The following UNC79 variants were observed in gnomAD, a reference collection of about 807,000 sequenced individuals.
The protein encoded by UNC79 is unc-79 subunit of NALCN channel complex.
A neutral mutation model predicts 283.1 loss-of-function variants in UNC79; 37 were observed. The observed-to-expected ratio is 0.13, with a 90% confidence interval of 0.10 to 0.17. UNC79 has a LOEUF of 0.17. UNC79 is among the 10% of genes least tolerant of loss of function. UNC79 has a pLI of 1.00. For missense variants in UNC79, 2,272 were observed against 3,211.1 expected, an observed-to-expected ratio of 0.71 and a Z score of 7.07; for synonymous variants, 1,107 against 1,200.2, an observed-to-expected ratio of 0.92 and a Z score of 1.61.
intron 12 of UNC79, among the ~76,000 whole-genome samples, chr14:93,540,437 A>T (rs536453977): frequency 9.7e-4 from 147 of 152,314 alleles, no homozygotes; most frequent in Non-Finnish European, 1.8e-3. Flanking sequence ...CAGTTTGTTC[A>T]TCTTTGAAAT....
At chr14:93,704,489 G>A in intron 47 of UNC79, 136 bp from the exon 51 acceptor site, 2 of 981,686 alleles carry the variant, frequency 2.0e-6, no homozygotes, top group Admixed American at 2.0e-5. Context: ...CTGATAACGG[G>A]TAGCCCTGCA....
At chr14:93,601,233 T>A (rs1340513027) in intron 25 of UNC79, among the ~76,000 whole-genome samples, 1 of 152,086 alleles carries the variant, frequency 6.6e-6, no homozygotes, top group Non-Finnish European at 1.5e-5. Context: ...CAATGTGTAG[T>A]CTTTTATCCC....
chr14:93,530,937 A>AAAC (rs1243648113), intron 10 of UNC79, among the ~76,000 whole-genome samples: 1 of 152,094 alleles, frequency 6.6e-6, no homozygotes, highest in Non-Finnish European at 1.5e-5. Context: ...ACAAACCCCA[A>AAAC]AACAACAACA....
In UNC79 at chr14:93,377,835, C is replaced by G. The variant is rs143507001; in HGVS notation, c.-351+44312C>G. On this transcript the variant is annotated intron_variant, in intron 1 of 49. Transcript: ENST00000256339. ...CTCCCACTGCAGTATGAAAGACCAC[C>G]AGAACAATTCCCCTAATTCTTACCC... is the stretch of plus-strand genomic sequence containing the variant. 4.6e-5 allele frequency among the ~76,000 whole-genome samples: 7 copies of G among 152,278 alleles called. No individual in the cohort carries two copies. In the East Asian group the frequency reaches 1.4e-3, roughly 29 times the overall value.
chr14:93,622,958 C>T (rs148702751), intron 30 of UNC79, 117 bp downstream of exon 32: 13 of 1,337,422 alleles, frequency 9.7e-6, no homozygotes, highest in African/African-American at 8.8e-5. Flanking sequence ...CAGGGTGTGA[C>T]ATTATAATGG....
chr14:93,664,441 CT>C (rs2071945195), intron 40 of UNC79, among the ~76,000 whole-genome samples: 1 of 152,122 alleles, frequency 6.6e-6, no homozygotes, highest in Non-Finnish European at 1.5e-5. Flanking sequence ...GGGGCTGTTG[CT>C]TGTCTTGGTA....
At chr14:93,670,355 G>A (rs991537529) in intron 40 of UNC79, among the ~76,000 whole-genome samples, 15 of 152,184 alleles carry the variant, frequency 9.9e-5, no homozygotes, top group African/African-American at 3.6e-4. Flanking sequence ...GCAGGCTCTG[G>A]TTGTTTTACC....
intron 46 of UNC79, among the ~76,000 whole-genome samples, chr14:93,692,247 T>TA (rs970196461): frequency 1.3e-5 from 2 of 152,184 alleles, no homozygotes; most frequent in Non-Finnish European, 2.9e-5. Context: ...GTTCTCACCA[T>TA]AAAAAATAAG....
At chr14:93,434,869 A>T (rs1409251527) in intron 1 of UNC79, among the ~76,000 whole-genome samples, 1 of 152,170 alleles carries the variant, frequency 6.6e-6, no homozygotes, top group Non-Finnish European at 1.5e-5. Context: ...ATAAAACCTT[A>T]TGCTTGCTGC....
intron 7 of UNC79, among the ~76,000 whole-genome samples, chr14:93,498,371 A>G (rs2059121614): frequency 6.6e-6 from 1 of 151,736 alleles, no homozygotes; most frequent in Admixed American, 6.6e-5. Flanking sequence ...GGTGGATCAC[A>G]AGGTCAGGAG....
chr14:93,585,000 A>T (rs2064117926), intron 20 of UNC79, among the ~76,000 whole-genome samples: 1 of 152,056 alleles, frequency 6.6e-6, no homozygotes, highest in African/African-American at 2.4e-5. Context: ...CCTGGCCAGC[A>T]ATTTATTTTT....
rs146273314 is a variant in UNC79 at position 93,401,559 on chromosome 14, T to G, written c.-350-66112T>G. Among the ~76,000 whole-genome samples, 820 of 152,322 alleles carry G rather than the reference T, an allele frequency of 5.4e-3. 5 individuals are homozygous for G. The highest frequency in any genetic ancestry group is 8.6e-3 in the Non-Finnish European group (583 of 68,022). On this transcript the variant is annotated intron_variant, in intron 1 of 49. Transcript: ENST00000256339. ...GTAGTGCTCTTTGTAAGACAGGAAC[T>G]AGAGCCACATTTACTGCTTGAAGTC...
intron 1 of UNC79, among the ~76,000 whole-genome samples, chr14:93,435,290 A>G (rs556093994): frequency 1.3e-5 from 2 of 152,330 alleles, no homozygotes; most frequent in East Asian, 1.9e-4. Flanking sequence ...CTCGTCTTAC[A>G]TGACTTCTCT....
At chr14:93,697,349 T>A (rs1455163291) in intron 47 of UNC79, among the ~76,000 whole-genome samples, 1 of 152,164 alleles carries the variant, frequency 6.6e-6, no homozygotes, top group Non-Finnish European at 1.5e-5. Flanking sequence ...TTGGCCAGGC[T>A]GGTCTCGAAC....
chr14:93,384,309 C>A lies in UNC79; in HGVS notation c.-351+50786C>A, dbSNP rs1043185341. Among the ~76,000 whole-genome samples, 14 of 152,310 alleles carry A rather than the reference C, an allele frequency of 9.2e-5. 1 individual carries two copies. The highest frequency in any genetic ancestry group is 3.1e-4 in the African/African-American group (13 of 41,568). On this transcript the variant is annotated intron_variant, in intron 1 of 49. Transcript: ENST00000256339. ...CATAGTGGTTGTACTAATTTACATT[C>A]CCACCAACAGTGTACAAGGGTTCCC...
chr14:93,655,191 G>A lies in UNC79; in HGVS notation c.6283-43G>A, dbSNP rs115555053. 1,484 of 1,602,032 alleles carry A rather than the reference G, an allele frequency of 9.3e-4. 20 individuals carry two copies. The African/African-American group carries it at 0.018, about 20-fold the overall frequency. ...TTACCAAATAGCGCTATGCATTCCC[G>A]TGCTGTTTCAGCAGTTGATGGCCTA... On this transcript the variant is annotated intron_variant, in intron 37 of 48. Coordinates refer to ENST00000555664, the Ensembl canonical transcript of UNC79.
rs2068592983 is a variant in UNC79 at position 93,637,319 on chromosome 14, C to G, written c.5800+20C>G. ...TGAGAGGTTAGTTGAGTCACAGAGT[C>G]TCTGGCTGTAAAAGCTGAAGGAGAC... is the stretch of plus-strand genomic sequence containing the variant. On this transcript the variant is annotated intron_variant, in intron 32 of 48. Transcript: ENST00000555664. 6.2e-7 allele frequency: 1 copy of G among 1,612,176 alleles called. No individual in the cohort carries two copies. The highest frequency in any genetic ancestry group is 1.3e-5 in the African/African-American group (1 of 74,820).
intron 1 of UNC79, among the ~76,000 whole-genome samples, chr14:93,412,261 A>T (rs1019870442): frequency 6.6e-6 from 1 of 152,140 alleles, no homozygotes; most frequent in Admixed American, 6.5e-5. Flanking sequence ...AAAAATAGAA[A>T]ACAGTGAAGC....
At chr14:93,387,158 G>A (rs112343278) in intron 1 of UNC79, among the ~76,000 whole-genome samples, 1 of 151,808 alleles carries the variant, frequency 6.6e-6, no homozygotes, top group African/African-American at 2.4e-5. Context: ...AGTCAGGCTG[G>A]TCGCAAACTC....
Sources: allele counts gnomAD v4.1 joint callset (sites outside exome capture counted in the v4.1 genomes callset), GRCh38; gene constraint gnomAD v4.1.1; transcripts MANE v1.5; gene names NCBI Gene and HGNC (gene_info 2026-07-23, HGNC 2026-07-21).